The following PHF8 variants were observed in gnomAD, a reference collection of about 807,000 sequenced individuals.
PHF8 encodes PHD finger protein 8.
PHF8 carries 9 observed loss-of-function variants against 74.4 expected under a neutral mutation model. The observed-to-expected ratio is 0.12, with a 90% confidence interval of 0.07 to 0.21. The LOEUF is 0.21. Ranked by LOEUF, PHF8 falls within the 10% of genes least tolerant of loss-of-function variation. The probability of loss-of-function intolerance (pLI) is 1.00; values close to 1 mark genes in which losing one functional copy is unlikely to be tolerated. For synonymous variants in PHF8, 311 were observed against 316.6 expected (o/e 0.98, Z 0.19); for missense variants, 478 against 816.6 (o/e 0.59, Z 5.05).
rs1330248630 is a variant in PHF8, at chrX:54,014,527, T to C, written c.633A>G (p.Arg211=). The C allele has an allele frequency of 9.9e-6, 12 of 1,206,508 alleles. No homozygotes were observed. Among genetic ancestry groups the C allele is most frequent in the African/African-American group, 1.8e-5 (1 of 57,011 alleles). Reference sequence around the variant, plus strand: ...ACAAGTTTTCGACCCATGACAGCTTTCGAACAATCTTCGGTGTCTCCACAA... The same window carrying C: ...ACAAGTTTTCGACCCATGACAGCTTCCGAACAATCTTCGGTGTCTCCACAA... ...SNLVETPKIV[R]KLSWVENLWP... Residue 211 remains arginine (R), a synonymous_variant, in exon 7 of 22, where the codon CGA becomes CGG. Transcript: ENST00000338154.
At chrX:54,022,050 GTAAGTATC>G (rs1276259856) in intron 4 of PHF8, among the ~76,000 whole-genome samples, 1 of 111,704 alleles carries the variant, frequency 9.0e-6, no homozygotes, top group African/African-American at 3.3e-5. Context: ...TTGGATGAAT[GTAAGTATC>G]TAACTTAGGT....
At chrX:53,940,761 G>A (rs1383453208) in intron 20 of PHF8, among the ~76,000 whole-genome samples, 1 of 112,223 alleles carries the variant, frequency 8.9e-6, no homozygotes, top group African/African-American at 3.2e-5. Flanking sequence ...CAAGAAAGCT[G>A]TAAATGAATT....
At chrX:54,000,588 T>G (rs951916608) in intron 10 of PHF8, among the ~76,000 whole-genome samples, 9 of 112,826 alleles carry the variant, frequency 8.0e-5, no homozygotes, top group African/African-American at 2.9e-4. Flanking sequence ...GCTTGAGGTA[T>G]TGGCTACGAG....
chrX:53,961,413 G>A (rs782599674), intron 19 of PHF8, among the ~76,000 whole-genome samples: 1 of 109,242 alleles, frequency 9.2e-6, no homozygotes. Flanking sequence ...CTGCAACCTT[G>A]GCCTCCTGGG....
At chrX:53,999,325 T>G (rs2065794745) in intron 11 of PHF8, among the ~76,000 whole-genome samples, 1 of 112,483 alleles carries the variant, frequency 8.9e-6, no homozygotes, top group African/African-American at 3.2e-5. Flanking sequence ...CAGCTTACTT[T>G]ATTGTAATAA....
intron 15 of PHF8, 50 bp from the exon 16 acceptor site, chrX:53,987,213 G>T: frequency 2.5e-6 from 2 of 803,319 alleles, no homozygotes; most frequent in African/African-American, 2.0e-5. Flanking sequence ...TAGCATTTCA[G>T]CCAAATACCC....
chrX:53,958,775 CAAAAAAAAAAAAAAAAA>C lies in PHF8; in HGVS notation c.2539+4052_2539+4068del, dbSNP rs1203323417. On this transcript the variant is annotated intron_variant, in intron 19 of 21. Coordinates refer to ENST00000338154, the MANE Select transcript of PHF8 (RefSeq NM_015107.3). ...TGGGCGACAGAGCAAGACTCCCTCT[CAAAAAAAAAAAAAAAAA>C]AAAAAAAAAGCTGATAACACTAGTT... Among the ~76,000 whole-genome samples the C allele has an allele frequency of 4.3e-3, 56 of 13,175 alleles. 2 individuals are homozygous for C. In the East Asian group the frequency reaches 0.077, roughly 18 times the overall value. The allele number at this position is 13,175 out of a possible 115,157, so 11.4% of individuals were successfully genotyped here. A position where few individuals can be genotyped will look rare whatever the true frequency, so the allele number is the denominator to read the frequency against.
intron 18 of PHF8, among the ~76,000 whole-genome samples, chrX:53,982,926 G>A (rs956331468): frequency 3.6e-5 from 4 of 112,314 alleles, no homozygotes; most frequent in Non-Finnish European, 7.5e-5. Context: ...GGATGCAGTG[G>A]CTCACGCCTA....
At chrX:54,036,435 C>G (rs1415417184) in intron 2 of PHF8, among the ~76,000 whole-genome samples, 4 of 108,364 alleles carry the variant, frequency 3.7e-5, no homozygotes, top group African/African-American at 1.3e-4. Context: ...ATGGGTCAAA[C>G]AGGAAGTTTC....
intron 2 of PHF8, among the ~76,000 whole-genome samples, 189 bp from the exon 3 acceptor site, chrX:54,023,032 G>A (rs2066203595): frequency 1.8e-5 from 2 of 112,398 alleles, no homozygotes; most frequent in Non-Finnish European, 3.8e-5. Flanking sequence ...GTATTAGGCA[G>A]TGGTGTGATC....
At chrX:53,943,144 T>C in intron 20 of PHF8, 1 of 855,316 alleles carries the variant, frequency 1.2e-6, no homozygotes, top group Non-Finnish European at 1.5e-6. Flanking sequence ...TATATTTATA[T>C]AAAACAGTAG....
At chrX:53,995,266 TACC>T (rs2149841449) in intron 12 of PHF8, 2 of 341,682 alleles carry the variant, frequency 5.9e-6, no homozygotes, top group East Asian at 9.4e-5. Context: ...CAACTACAAC[TACC>T]ACCACCACCC....
At chrX:54,044,801 GGT>G, upstream of PHF8, 1 of 887,655 alleles carries the variant, frequency 1.1e-6, no homozygotes, top group Non-Finnish European at 1.6e-6. Context: ...AGGTGAACTC[GGT>G]GACTCCAAAC....
At position 53,938,563 on chromosome X, in the gene PHF8, T is replaced by A. The variant is rs2064701715; in HGVS notation, c.*595A>T. 1.3e-6 allele frequency: 1 copy of A among 754,215 alleles called. No homozygotes were observed. The highest frequency in any genetic ancestry group is 8.4e-5 in the Admixed American group (1 of 11,842). The allele number at this position is 754,215 out of a possible 1,213,427, so 62.2% of individuals were successfully genotyped here. ...GGCATTTCTAGGCCACTTCTGGAAATGGCCCACAGTGGGGCAGGAAGGAGG... is the reference window on the plus strand; with the variant it reads ...GGCATTTCTAGGCCACTTCTGGAAAAGGCCCACAGTGGGGCAGGAAGGAGG... On this transcript the variant is annotated 3_prime_UTR_variant, in exon 22 of 22. Coordinates refer to ENST00000338154, the MANE Select transcript of PHF8 (RefSeq NM_015107.3).
At chrX:54,021,285 T>C (rs2066165110) in intron 4 of PHF8, among the ~76,000 whole-genome samples, 1 of 109,482 alleles carries the variant, frequency 9.1e-6, no homozygotes, top group Admixed American at 9.9e-5. Flanking sequence ...TGGGGACCAC[T>C]CAAGTTGGGA....
At chrX:53,967,328 C>A (rs2065218135) in intron 18 of PHF8, among the ~76,000 whole-genome samples, 2 of 107,735 alleles carry the variant, frequency 1.9e-5, no homozygotes, top group Non-Finnish European at 3.9e-5. Flanking sequence ...GGGGGTCAGC[C>A]CCCCGCCCGG....
chrX:53,999,139 T>C (rs1454141014), intron 11 of PHF8, among the ~76,000 whole-genome samples: 1 of 111,587 alleles, frequency 9.0e-6, no homozygotes, highest in Non-Finnish European at 1.9e-5. Flanking sequence ...TTGAACAACA[T>C]GGGTTTGAAA....
At chrX:53,999,752 C>T in intron 11 of PHF8, 118 bp downstream of exon 11, 1 of 510,134 alleles carries the variant, frequency 2.0e-6, no homozygotes, top group Non-Finnish European at 3.6e-6. Context: ...CACCTCCACT[C>T]TACACCCAGG....
chrX:53,976,566 A>G (rs1557096151), intron 18 of PHF8, among the ~76,000 whole-genome samples: 1 of 108,553 alleles, frequency 9.2e-6, no homozygotes, highest in East Asian at 2.9e-4. Context: ...TCCAGAAGAG[A>G]TGATCACTTG....
Sources: allele counts gnomAD v4.1 joint callset (sites outside exome capture counted in the v4.1 genomes callset), GRCh38; gene constraint gnomAD v4.1.1; transcripts MANE v1.5; gene names NCBI Gene and HGNC (gene_info 2026-07-23, HGNC 2026-07-21).